The following CUX1 variants were observed in gnomAD, a reference collection of about 807,000 sequenced individuals.
CUX1 encodes the protein cut like homeobox 1.
A neutral mutation model predicts 158.8 loss-of-function variants in CUX1; 31 were observed. The ratio of observed to expected loss-of-function variants is 0.20; its 90% CI spans 0.15 to 0.26. CUX1 has a LOEUF of 0.26. Ranked by LOEUF, CUX1 falls within the 10% of genes least tolerant of loss-of-function variation. The pLI is 1.00. For synonymous variants in CUX1, 879 were observed against 862.1 expected (o/e 1.02, Z -0.34); for missense variants, 1,589 against 2,014.6 (o/e 0.79, Z 4.04).
rs1052249346 is a variant in CUX1, at chr7:102,014,866, A to T, written c.142-13232A>T. 6.8e-3 allele frequency among the ~76,000 whole-genome samples: 1,036 copies of T among 151,772 alleles called. 7 individuals are homozygous for T. Among genetic ancestry groups the T allele is most frequent in the Non-Finnish European group, 0.011 (748 of 67,930 alleles). ...TAGTATCCCCCAACCACCAAAAAAA[A>T]AAAAAAAAGAAAAAAAGCATCTAAA... On this transcript the variant is annotated intron_variant, in intron 2 of 23. Coordinates refer to ENST00000292535, the MANE Select transcript of CUX1 (RefSeq NM_181552.4).
At chr7:102,107,391 T>A (rs1159462464) in intron 6 of CUX1, among the ~76,000 whole-genome samples, 1 of 151,100 alleles carries the variant, frequency 6.6e-6, no homozygotes, top group Non-Finnish European at 1.5e-5. Context: ...AAATACAAAA[T>A]AAGCCAGGCG....
chr7:101,901,342 A>G (rs1278277430), intron 1 of CUX1, among the ~76,000 whole-genome samples: 2 of 152,006 alleles, frequency 1.3e-5, no homozygotes, highest in African/African-American at 4.8e-5. Flanking sequence ...CGCCCAGGTT[A>G]GAGTGCAGTG....
At chr7:102,089,726 C>T (rs950003170) in intron 4 of CUX1, among the ~76,000 whole-genome samples, 1 of 152,230 alleles carries the variant, frequency 6.6e-6, no homozygotes, top group Non-Finnish European at 1.5e-5. Flanking sequence ...GGCAAAAGAT[C>T]GCCTCTCTGC....
intron 22 of CUX1, among the ~76,000 whole-genome samples, chr7:102,236,903 C>A (rs1479354612): frequency 6.6e-6 from 1 of 152,206 alleles, no homozygotes; most frequent in Non-Finnish European, 1.5e-5. Flanking sequence ...ACTGTTTCTG[C>A]GGGGCCCAGA....
At chr7:102,115,373 G>A in intron 8 of CUX1, 100 bp downstream of exon 8, 1 of 965,612 alleles carries the variant, frequency 1.0e-6, no homozygotes, top group Non-Finnish European at 1.6e-6. Flanking sequence ...CTGTGCTGCT[G>A]CAGGGACACA....
intron 8 of CUX1, among the ~76,000 whole-genome samples, chr7:102,122,464 C>T (rs1832150778): frequency 6.6e-6 from 1 of 151,394 alleles, no homozygotes. Context: ...TTTTTCATCT[C>T]TGTACAAGTA....
At chr7:101,828,551 G>C (rs773271575) in intron 1 of CUX1, among the ~76,000 whole-genome samples, 1 of 152,148 alleles carries the variant, frequency 6.6e-6, no homozygotes, top group Non-Finnish European at 1.5e-5. Flanking sequence ...AAATCTAAGA[G>C]AAACCCAGCA....
intron 9 of CUX1, among the ~76,000 whole-genome samples, chr7:102,169,399 T>G (rs1791471970): frequency 6.6e-6 from 1 of 152,242 alleles, no homozygotes; most frequent in Admixed American, 6.5e-5. Context: ...TGAATGTTTC[T>G]AGCAGTGGAA....
chr7:101,890,516 C>CA (rs1386660813), intron 1 of CUX1, among the ~76,000 whole-genome samples: 3 of 152,056 alleles, frequency 2.0e-5, no homozygotes, highest in East Asian at 3.9e-4. Flanking sequence ...GCAAAGTGCT[C>CA]AGCAAGGCCC....
chr7:101,892,354 T>G (rs1562970753), intron 1 of CUX1, among the ~76,000 whole-genome samples: 1 of 152,222 alleles, frequency 6.6e-6, no homozygotes, highest in Non-Finnish European at 1.5e-5. Context: ...AAATGTTACC[T>G]CCTTCATTTG....
Position 102,251,633 on chromosome 7 carries a change from A to C in CUX1, c.*2591A>C. The stretch of plus-strand genomic sequence containing the variant: ...CACGGGTCAACATCTAGCTCGATTC[A>C]GGTGCATTGAGAAGAGTGAGTTCAC... On this transcript the variant is annotated 3_prime_UTR_variant, in exon 24 of 24. Transcript: ENST00000292535. 2.0e-6 allele frequency: 2 copies of C among 985,438 alleles called. No individual in the cohort carries two copies. Among genetic ancestry groups the C allele is most frequent in the Non-Finnish European group, 2.4e-6 (2 of 829,926 alleles). 61.0% of individuals were successfully genotyped at this position (985,438 alleles called of 1,614,324 possible).
chr7:102,062,201 G>C (rs1316326358), intron 3 of CUX1, among the ~76,000 whole-genome samples: 1 of 152,202 alleles, frequency 6.6e-6, no homozygotes, highest in Non-Finnish European at 1.5e-5. Context: ...TCACTGAGGA[G>C]GGAAAGCACC....
chr7:102,282,797 C>A (rs1792187133), intron 22 of CUX1: 2 of 1,439,218 alleles, frequency 1.4e-6, no homozygotes, highest in East Asian at 3.2e-5. Flanking sequence ...CCACTTGGGC[C>A]CCCCCTCAGC....
chr7:102,116,097 G>A (rs1194052825), intron 8 of CUX1, among the ~76,000 whole-genome samples: 1 of 152,128 alleles, frequency 6.6e-6, no homozygotes, highest in Non-Finnish European at 1.5e-5. Flanking sequence ...TGCCTCCGTG[G>A]GCATCGGCAA....
intron 1 of CUX1, among the ~76,000 whole-genome samples, chr7:101,867,172 G>A (rs1157178365): frequency 6.6e-6 from 1 of 152,022 alleles, no homozygotes; most frequent in African/African-American, 2.4e-5. Flanking sequence ...AGCTGAGATT[G>A]TGCCACTGCA....
chr7:102,029,819 AC>A (rs1250793750), intron 3 of CUX1, among the ~76,000 whole-genome samples: 3 of 152,114 alleles, frequency 2.0e-5, no homozygotes, highest in African/African-American at 7.2e-5. Flanking sequence ...TGAGGCTGTT[AC>A]CTGACACCTA....
chr7:101,886,038 C>T (rs767229515), intron 1 of CUX1, among the ~76,000 whole-genome samples: 14 of 152,164 alleles, frequency 9.2e-5, no homozygotes, highest in Non-Finnish European at 2.1e-4. Context: ...ATCCCCATGC[C>T]TCTGTGGGGG....
In CUX1 at chr7:101,821,862, T is replaced by G. The variant is rs540002824; in HGVS notation, c.30+4193T>G. Among the ~76,000 whole-genome samples, 864 of 138,720 alleles carry G rather than the reference T, an allele frequency of 6.2e-3. 14 individuals are homozygous for G. The highest frequency in any genetic ancestry group is 0.023 in the African/African-American group (825 of 36,420). 91.0% of individuals were successfully genotyped at this position (138,720 alleles called of 152,430 possible). On this transcript the variant is annotated intron_variant, in intron 1 of 23. Transcript: ENST00000292535. ...GCTAGTTTTTTTGTTTTTTTGTTTT[T>G]TTTTTTTTTTGAGATGTAGTCTGGT... is the stretch of plus-strand genomic sequence containing the variant.
chr7:101,878,020 G>C (rs780450623), intron 1 of CUX1, among the ~76,000 whole-genome samples: 3 of 152,146 alleles, frequency 2.0e-5, no homozygotes, highest in Non-Finnish European at 4.4e-5. Flanking sequence ...TGAATTTGTA[G>C]GAACTGCCAG....
Sources: gnomAD v4.1 joint callset for allele counts (sites outside exome capture counted in the v4.1 genomes callset) on GRCh38, gnomAD v4.1.1 for gene constraint, MANE v1.5 for transcripts, NCBI Gene and HGNC (gene_info 2026-07-23, HGNC 2026-07-21) for gene names.